Variants in FGGY observed in about 807,000 individuals in gnomAD.
The protein encoded by FGGY is FGGY carbohydrate kinase domain-containing protein.
A neutral mutation model predicts 71.3 loss-of-function variants in FGGY; 72 were observed. The observed-to-expected ratio is 1.01, with a 90% CI of 0.84 to 1.23. The LOEUF (loss-of-function observed/expected upper bound fraction) is 1.23, where lower values mean the gene tolerates loss of function less well. FGGY is among the 50% of genes most tolerant of loss of function. The probability of loss-of-function intolerance (pLI) is 0.00; values close to 1 mark genes in which losing one functional copy is unlikely to be tolerated. For synonymous variants in FGGY, 251 were observed against 250.3 expected, an observed-to-expected ratio of 1.00 and a Z score of -0.02; for missense variants, 668 against 682.3, an observed-to-expected ratio of 0.98 and a Z score of 0.23.
chr1:59,626,850 G>C (rs568161829), intron 10 of FGGY: 2 of 150,158 alleles, frequency 1.3e-5, no homozygotes, highest in Admixed American at 6.6e-5. Context: ...GTGAGACTCC[G>C]TCTCAAAAAA....
intron 5 of FGGY, among the ~76,000 whole-genome samples, chr1:59,427,711 T>C (rs1320593): frequency 0.21 from 31,783 of 152,080 alleles, 3,332 homozygotes; most frequent in African/African-American, 0.25. Flanking sequence ...TGTGCAGCCT[T>C]GAGGAAGAAG....
intron 15 of FGGY, among the ~76,000 whole-genome samples, chr1:59,759,986 T>C (rs1177005824): frequency 6.6e-6 from 1 of 152,194 alleles, no homozygotes; most frequent in Non-Finnish European, 1.5e-5. Flanking sequence ...TGAAAGACAC[T>C]ATCAACAGAG....
chr1:59,345,304 A>G lies in FGGY; in HGVS notation c.314-943A>G, dbSNP rs537724141. Among the ~76,000 whole-genome samples, 21 of 152,298 alleles carry G rather than the reference A, an allele frequency of 1.4e-4. No homozygotes were observed. In the South Asian group the frequency reaches 4.1e-3, roughly 30 times the overall value. ...GGTTTCTTTTCTCTTTGCCCTAATAATCTCTCGGGTATATTAATTGCTGTT... is the reference window on the plus strand; with the variant it reads ...GGTTTCTTTTCTCTTTGCCCTAATAGTCTCTCGGGTATATTAATTGCTGTT... On this transcript the variant is annotated intron_variant, in intron 3 of 15. Coordinates refer to ENST00000303721, the MANE Select transcript of FGGY (RefSeq NM_018291.5).
intron 7 of FGGY, among the ~76,000 whole-genome samples, chr1:59,535,514 A>G (rs973145828): frequency 6.6e-6 from 1 of 152,158 alleles, no homozygotes. Flanking sequence ...TCCACCCCAA[A>G]TCAACAGAAT....
chr1:59,318,651 T>C (rs1419266669), intron 1 of FGGY: 1 of 152,034 alleles, frequency 6.6e-6, no homozygotes, highest in Non-Finnish European at 1.5e-5. Context: ...CCATGGGGAA[T>C]CTGTCTTGTC....
intron 9 of FGGY, among the ~76,000 whole-genome samples, chr1:59,612,121 A>G (rs2153822170): frequency 6.6e-6 from 1 of 152,346 alleles, no homozygotes; most frequent in South Asian, 2.1e-4. Flanking sequence ...GCAGACCAAC[A>G]TTCAGATTCA....
At chr1:59,535,181 C>T (rs1476080205) in intron 7 of FGGY, among the ~76,000 whole-genome samples, 2 of 151,980 alleles carry the variant, frequency 1.3e-5, no homozygotes, top group Non-Finnish European at 2.9e-5. Context: ...GGGTTGCAAT[C>T]CTAGTCTCTG....
At chr1:59,689,311 G>A (rs2097570997) in intron 14 of FGGY, among the ~76,000 whole-genome samples, 1 of 152,106 alleles carries the variant, frequency 6.6e-6, no homozygotes, top group Admixed American at 6.5e-5. Flanking sequence ...TAAAGGTGCT[G>A]GTGAGAGCAA....
intron 8 of FGGY, among the ~76,000 whole-genome samples, chr1:59,593,661 G>A (rs550685383): frequency 6.6e-6 from 1 of 152,238 alleles, no homozygotes; most frequent in African/African-American, 2.4e-5. Flanking sequence ...CCTTCTTCAA[G>A]CTGATATTAT....
chr1:59,681,122 G>A (rs1393992764), intron 14 of FGGY: 1 of 151,972 alleles, frequency 6.6e-6, no homozygotes, highest in Non-Finnish European at 1.5e-5. Context: ...ACTTTTTGTA[G>A]CTATAAAAAG....
intron 9 of FGGY, among the ~76,000 whole-genome samples, chr1:59,617,240 G>A (rs2096764841): frequency 6.6e-6 from 1 of 151,488 alleles, no homozygotes; most frequent in African/African-American, 2.4e-5. Flanking sequence ...AGAGAAAAAG[G>A]AAAGTAAAGG....
intron 7 of FGGY, among the ~76,000 whole-genome samples, chr1:59,540,712 C>T (rs1475864131): frequency 1.3e-5 from 2 of 152,128 alleles, no homozygotes; most frequent in East Asian, 1.9e-4. Context: ...GGCTCTGGGC[C>T]GCCCTGTGCT....
At chr1:59,369,212 T>C (rs1248947060) in intron 4 of FGGY, among the ~76,000 whole-genome samples, 1 of 149,678 alleles carries the variant, frequency 6.7e-6, no homozygotes, top group African/African-American at 2.4e-5. Flanking sequence ...TCCCACCCGA[T>C]ACTGCGCTTT....
At position 59,584,060 on chromosome 1, in the gene FGGY, T is replaced by G. The variant is rs187179925; in HGVS notation, c.904-23743T>G. Among the ~76,000 whole-genome samples the G allele has an allele frequency of 1.9e-4, 29 of 149,678 alleles. 1 individual carries two copies. In the East Asian group the frequency reaches 3.7e-3, roughly 19 times the overall value. ...CAAAAAAAGTCCAGGACCGGATGGATTCACAGCCGAATTCTACCAGAGGTA... is the reference window on the plus strand; with the variant it reads ...CAAAAAAAGTCCAGGACCGGATGGAGTCACAGCCGAATTCTACCAGAGGTA... On this transcript the variant is annotated intron_variant, in intron 8 of 15. Transcript: ENST00000303721.
At chr1:59,524,826 C>T (rs778831858) in intron 7 of FGGY, among the ~76,000 whole-genome samples, 1 of 152,206 alleles carries the variant, frequency 6.6e-6, no homozygotes, top group Non-Finnish European at 1.5e-5. Context: ...CTGTGTATCT[C>T]ATTCTTCCAG....
intron 5 of FGGY, among the ~76,000 whole-genome samples, chr1:59,399,985 C>T (rs2061750752): frequency 6.6e-6 from 1 of 152,138 alleles, no homozygotes; most frequent in Non-Finnish European, 1.5e-5. Context: ...CTTTTCTGTT[C>T]TCAAAGTTGT....
intron 5 of FGGY, among the ~76,000 whole-genome samples, chr1:59,385,573 T>C (rs564890661): frequency 2.6e-5 from 4 of 152,198 alleles, no homozygotes; most frequent in African/African-American, 9.6e-5. Flanking sequence ...TTTGATGACA[T>C]GAGAAATGGG....
chr1:59,419,532 C>A (rs2153439980), intron 5 of FGGY, among the ~76,000 whole-genome samples: 1 of 152,176 alleles, frequency 6.6e-6, no homozygotes, highest in East Asian at 1.9e-4. Flanking sequence ...GAACTGGTTC[C>A]AAGTATTCAT....
At chr1:59,590,204 C>A (rs2096402376) in intron 8 of FGGY, among the ~76,000 whole-genome samples, 1 of 152,166 alleles carries the variant, frequency 6.6e-6, no homozygotes, top group South Asian at 2.1e-4. Flanking sequence ...TGGATAAATT[C>A]CTCGACACAT....
Sources: gnomAD v4.1 joint callset for allele counts (sites outside exome capture counted in the v4.1 genomes callset) on GRCh38, gnomAD v4.1.1 for gene constraint, MANE v1.5 for transcripts, NCBI Gene and HGNC (gene_info 2026-07-23, HGNC 2026-07-21) for gene names.